Variants in ERBIN observed in about 807,000 individuals in gnomAD.
ERBIN encodes the protein densin-180-like protein.
A neutral mutation model predicts 158.4 loss-of-function variants in ERBIN; 60 were observed. That is an observed-to-expected ratio of 0.38 (90% CI 0.31 to 0.47). ERBIN has a LOEUF of 0.47. ERBIN is among the 20% of genes least tolerant of loss of function. ERBIN has a pLI of 0.99. For synonymous variants in ERBIN, 594 were observed against 557.2 expected, an observed-to-expected ratio of 1.07 and a Z score of -0.93; for missense variants, 1,610 against 1,648.0, an observed-to-expected ratio of 0.98 and a Z score of 0.40.
chr5:65,929,510 G>T (rs1743095013), intron 1 of ERBIN, among the ~76,000 whole-genome samples: 1 of 151,954 alleles, frequency 6.6e-6, no homozygotes, highest in South Asian at 2.1e-4. Context: ...ACCCTACTTG[G>T]CTGCTTGCAT....
chr5:66,072,714 A>G (rs1018467311), intron 22 of ERBIN, among the ~76,000 whole-genome samples: 5 of 152,194 alleles, frequency 3.3e-5, no homozygotes, highest in African/African-American at 1.2e-4. Flanking sequence ...ATCTTGAAAG[A>G]CTTTTGTATA....
intron 7 of ERBIN, among the ~76,000 whole-genome samples, chr5:66,020,613 C>A (rs1254076799): frequency 6.6e-6 from 1 of 151,850 alleles, no homozygotes; most frequent in Admixed American, 6.6e-5. Context: ...GAATTAGTTT[C>A]AAAGGGTACC....
intron 14 of ERBIN, among the ~76,000 whole-genome samples, chr5:66,030,774 T>C (rs1457643923): frequency 6.6e-6 from 1 of 151,878 alleles, no homozygotes; most frequent in Admixed American, 6.6e-5. Context: ...TCTCATGATA[T>C]TGCCCAGGCT....
At chr5:65,993,953 AGCC>A (rs1452712711) in intron 3 of ERBIN, among the ~76,000 whole-genome samples, 2 of 152,174 alleles carry the variant, frequency 1.3e-5, no homozygotes, top group African/African-American at 4.8e-5. Flanking sequence ...TGTTGTATAT[AGCC>A]ATTGTTTTAT....
chr5:65,972,390 C>A (rs983178171), intron 1 of ERBIN, among the ~76,000 whole-genome samples: 3 of 151,310 alleles, frequency 2.0e-5, no homozygotes, highest in Non-Finnish European at 2.9e-5. Flanking sequence ...GCATCTAAGA[C>A]TTCTTATTTG....
At chr5:65,953,331 T>A (rs1052947201) in intron 1 of ERBIN, among the ~76,000 whole-genome samples, 1 of 152,182 alleles carries the variant, frequency 6.6e-6, no homozygotes, top group Non-Finnish European at 1.5e-5. Flanking sequence ...TGGGCAGATA[T>A]TTTAGGTTCT....
At chr5:66,034,451 A>G (rs1757192964) in intron 14 of ERBIN, among the ~76,000 whole-genome samples, 1 of 151,754 alleles carries the variant, frequency 6.6e-6, no homozygotes, top group Non-Finnish European at 1.5e-5. Context: ...CACCACACCC[A>G]GCTTTTTGTA....
intron 1 of ERBIN, among the ~76,000 whole-genome samples, chr5:65,970,137 A>ATT (rs950256333): frequency 1.3e-5 from 2 of 152,098 alleles, no homozygotes; most frequent in African/African-American, 4.8e-5. Flanking sequence ...ACACTGTTAA[A>ATT]TTATTAATGA....
At chr5:66,074,060 T>G (rs1761763783) in intron 22 of ERBIN, among the ~76,000 whole-genome samples, 2 of 147,186 alleles carry the variant, frequency 1.4e-5, no homozygotes, top group Admixed American at 6.8e-5. Context: ...TTTTTTTTTT[T>G]TTTTTTTTTT....
rs547283374 is a variant in ERBIN, at chr5:65,927,158, C to CCAGG, written c.-58+355_-58+358dup. 4.6e-3 allele frequency among the ~76,000 whole-genome samples: 708 copies of CCAGG among 152,264 alleles called. 4 individuals are homozygous for CCAGG. Among genetic ancestry groups the CCAGG allele is most frequent in the Non-Finnish European group, 7.9e-3 (534 of 68,024 alleles). On this transcript the variant is annotated intron_variant, in intron 1 of 25. Coordinates refer to ENST00000284037, the MANE Select transcript of ERBIN (RefSeq NM_001253697.2). Reference sequence around the variant, plus strand: ...ATAGAGTGTATATTAAGTTGCTCAGCCAGGCACCTTCTGTTTGGGAAGAAA... The same window carrying CCAGG: ...ATAGAGTGTATATTAAGTTGCTCAGCCAGGCAGGCACCTTCTGTTTGGGAAGAAA...
chr5:65,973,258 TGGGGGGAGCGGGGA>T (rs1749468118), intron 1 of ERBIN, among the ~76,000 whole-genome samples: 1 of 135,688 alleles, frequency 7.4e-6, no homozygotes, highest in Non-Finnish European at 1.6e-5. Flanking sequence ...TGTTGTGGGG[TGGGGGGAGCGGGGA>T]GGGAAAGCAT....
intron 1 of ERBIN, among the ~76,000 whole-genome samples, chr5:65,964,278 CATTA>C (rs1299488386): frequency 6.6e-6 from 1 of 152,146 alleles, no homozygotes. Flanking sequence ...ACGTGTGTGT[CATTA>C]ATTCTAGAAA....
At chr5:66,003,838 C>G (rs1482720178) in intron 4 of ERBIN, among the ~76,000 whole-genome samples, 2 of 146,746 alleles carry the variant, frequency 1.4e-5, no homozygotes, top group South Asian at 2.2e-4. Context: ...AGAGAGAGTT[C>G]TTCTGTAACT....
chr5:66,039,697 T>TTTTGTTATGG (rs576383650), intron 15 of ERBIN, among the ~76,000 whole-genome samples: 29 of 151,980 alleles, frequency 1.9e-4, no homozygotes, highest in Non-Finnish European at 4.1e-4. Context: ...GTATACTATA[T>TTTTGTTATGG]TTTGTTATGG....
At position 65,950,773 on chromosome 5, in the gene ERBIN, T is replaced by C. The variant is rs370719616; in HGVS notation, c.-58+23967T>C. On this transcript the variant is annotated intron_variant, in intron 1 of 25. Transcript: ENST00000284037. ...TTCTCCTTAAAGGTTTGACTAGTAA[T>C]TTTAGCATTCATATGTATTTTTTTT... Among the ~76,000 whole-genome samples, 326 of 152,140 alleles carry C rather than the reference T, an allele frequency of 2.1e-3. 2 individuals are homozygous for C. Among genetic ancestry groups the C allele is most frequent in the African/African-American group, 7.7e-3 (320 of 41,416 alleles).
Position 65,940,243 on chromosome 5 carries a change from C to T in ERBIN, c.-58+13437C>T, listed in dbSNP as rs1436455122. Among the ~76,000 whole-genome samples, 83 of 148,970 alleles carry T rather than the reference C, an allele frequency of 5.6e-4. 1 individual carries two copies. The highest frequency in any genetic ancestry group is 1.3e-3 in the South Asian group (6 of 4,608). On this transcript the variant is annotated intron_variant, in intron 1 of 25. Transcript: ENST00000284037. ...GAGCGCCTCTACCCGGCCGTGACCC[C>T]GTCTGGGAGGTGAGGAGCGTCTCTG... is the stretch of plus-strand genomic sequence containing the variant.
At chr5:66,006,426 A>G (rs1753605942) in intron 4 of ERBIN, among the ~76,000 whole-genome samples, 1 of 152,244 alleles carries the variant, frequency 6.6e-6, no homozygotes, top group African/African-American at 2.4e-5. Context: ...GTTAGACCTA[A>G]AACCATAAAA....
rs112710011 is a variant in ERBIN at position 66,013,274 on chromosome 5, A to G, written c.387-275A>G. On this transcript the variant is annotated intron_variant, in intron 5 of 25. Transcript: ENST00000284037. The stretch of plus-strand genomic sequence containing the variant: ...TTATACCCTAAATATATTTTTATGT[A>G]TTGTGGCTCATTCATAGTTGACTGT... 2.1e-4 allele frequency among the ~76,000 whole-genome samples: 32 copies of G among 152,308 alleles called. 1 individual carries two copies. The highest frequency in any genetic ancestry group is 5.8e-4 in the African/African-American group (24 of 41,580).
At chr5:65,954,122 G>A (rs7717103) in intron 1 of ERBIN, among the ~76,000 whole-genome samples, 167 of 152,236 alleles carry the variant, frequency 1.1e-3, no homozygotes, top group African/African-American at 3.9e-3. Flanking sequence ...TGTGTGGAGG[G>A]AATCAGCTTG....
Sources: allele counts gnomAD v4.1 joint callset (sites outside exome capture counted in the v4.1 genomes callset), GRCh38; gene constraint gnomAD v4.1.1; transcripts MANE v1.5; gene names NCBI Gene and HGNC (gene_info 2026-07-23, HGNC 2026-07-21).